The following FEZ1 variants were observed in gnomAD, a reference collection of about 807,000 sequenced individuals.
The protein encoded by FEZ1 is fasciculation and elongation protein zeta-1.
In FEZ1, 20 loss-of-function variants were observed where a neutral mutation model predicts 49.3. The observed-to-expected ratio is 0.41, with a 90% CI of 0.29 to 0.59. FEZ1 has a LOEUF of 0.59. Among genes scored for constraint, FEZ1 ranks in the 20% least tolerant of loss-of-function variants. The pLI, the probability that FEZ1 is intolerant of heterozygous loss-of-function variation, is 0.36. For missense variants in FEZ1, 413 were observed against 476.0 expected (o/e 0.87, Z 1.23); for synonymous variants, 170 against 180.9 (o/e 0.94, Z 0.48).
At chr11:125,488,851 A>G in intron 2 of FEZ1, 2 of 985,246 alleles carry the variant, frequency 2.0e-6, no homozygotes, top group Non-Finnish European at 2.4e-6. Context: ...CCTTTTCTTG[A>G]CTACTATTAA....
chr11:125,475,210 C>T (rs1309725154), intron 3 of FEZ1, among the ~76,000 whole-genome samples: 2 of 151,490 alleles, frequency 1.3e-5, no homozygotes, highest in Non-Finnish European at 2.9e-5. Flanking sequence ...GTGGAGGTTG[C>T]TGTGAGCTGA....
chr11:125,474,191 ATTTTT>A (rs34135138), intron 3 of FEZ1, among the ~76,000 whole-genome samples: 1 of 128,442 alleles, frequency 7.8e-6, no homozygotes, highest in Admixed American at 7.9e-5. Flanking sequence ...TGCCAGGCTA[ATTTTT>A]TTTTTTTTTT....
intron 9 of FEZ1, 62 bp from the exon 10 acceptor site, chr11:125,446,173 GC>G: frequency 6.6e-7 from 1 of 1,511,014 alleles, no homozygotes; most frequent in Non-Finnish European, 9.2e-7. Context: ...GGACCTCCGA[GC>G]CCTGGATAGC....
intron 3 of FEZ1, among the ~76,000 whole-genome samples, chr11:125,473,576 T>TG (rs1302970233): frequency 1.3e-5 from 2 of 152,250 alleles, no homozygotes; most frequent in African/African-American, 4.8e-5. Flanking sequence ...CCCAGCACTT[T>TG]GGGAGGCCAA....
At chr11:125,460,418 C>T (rs1957062576) in intron 5 of FEZ1, 80 bp downstream of exon 5, 1 of 1,287,478 alleles carries the variant, frequency 7.8e-7, no homozygotes, top group African/African-American at 1.5e-5. Flanking sequence ...TTCTATTAGC[C>T]ATGTACAAAG....
intron 3 of FEZ1, among the ~76,000 whole-genome samples, chr11:125,472,743 A>G (rs138953198): frequency 6.6e-6 from 1 of 152,176 alleles, no homozygotes; most frequent in Non-Finnish European, 1.5e-5. Flanking sequence ...AAATTTCAGA[A>G]AAAGAACATG....
At position 125,489,645 on chromosome 11, in the gene FEZ1, C is replaced by T. The variant is rs867006645; in HGVS notation, c.133G>A (p.Glu45Lys). 1 of 1,614,060 alleles carries T rather than the reference C, an allele frequency of 6.2e-7. No homozygotes were observed. Among genetic ancestry groups the T allele is most frequent in the East Asian group, 2.2e-5 (1 of 44,876 alleles). ...PHHLEDPSLS[E>K]LENFSSEIIS... Reference sequence around the variant, plus strand: ...ATTTCGGAAGAAAAATTCTCAAGCTCGGAGAGGGAGGGGTCCTCGAGATGG... The same window carrying T: ...ATTTCGGAAGAAAAATTCTCAAGCTTGGAGAGGGAGGGGTCCTCGAGATGG... The change falls in exon 2 of 10, where the codon GAG becomes AAG. Residue 45 changes from glutamate to lysine, a missense_variant. Transcript: ENST00000278919. This position sits in a 1 kb window ranked among gnomAD's most constrained non-coding sequence, Gnocchi z 4.2.
chr11:125,474,119 G>C (rs954042743), intron 3 of FEZ1, among the ~76,000 whole-genome samples: 7 of 151,300 alleles, frequency 4.6e-5, no homozygotes, highest in African/African-American at 1.7e-4. Flanking sequence ...CTGCCTCCCG[G>C]GTTCAAGCAA....
intron 5 of FEZ1, among the ~76,000 whole-genome samples, chr11:125,457,429 A>ATATATATATAT (rs1555178498): frequency 1.4e-4 from 3 of 20,912 alleles, no homozygotes; most frequent in East Asian, 3.0e-3. Context: ...AAAAAAAAAA[A>ATATATATATAT]ATATATATAT....
In FEZ1 at chr11:125,452,244, A is replaced by C. The variant is rs111659521; in HGVS notation, c.1096+90T>G. ...TGGCCCATGTAAACCTGCTTTGAGGAGTCTCGGGCCTGCGGCACGGAGGTA... is the reference window on the plus strand; with the variant it reads ...TGGCCCATGTAAACCTGCTTTGAGGCGTCTCGGGCCTGCGGCACGGAGGTA... On this transcript the variant is annotated intron_variant, in intron 8 of 9. Transcript: ENST00000278919. The C allele has an allele frequency of 8.2e-6, 7 of 850,150 alleles. No homozygotes were observed. The East Asian group carries it at 1.4e-4, about 18-fold the overall frequency. 52.7% of individuals were successfully genotyped at this position (850,150 alleles called of 1,614,324 possible).
intron 3 of FEZ1, 84 bp from the exon 4 acceptor site, chr11:125,463,654 G>A (rs1957096109): frequency 1.2e-6 from 1 of 819,354 alleles, no homozygotes; most frequent in South Asian, 1.4e-5. Context: ...GGATGATACT[G>A]ACTGGGAGGC....
chr11:125,484,170 A>T (rs1957307740), intron 2 of FEZ1, among the ~76,000 whole-genome samples: 1 of 152,230 alleles, frequency 6.6e-6, no homozygotes. Flanking sequence ...TAACAATAGC[A>T]GTCAACACTT....
intron 3 of FEZ1, among the ~76,000 whole-genome samples, chr11:125,466,868 G>A (rs1316746775): frequency 6.6e-6 from 1 of 152,058 alleles, no homozygotes; most frequent in African/African-American, 2.4e-5. Context: ...CATAGAAAAG[G>A]TAATTTTTAC....
At chr11:125,458,367 T>C (rs1263746181) in intron 5 of FEZ1, among the ~76,000 whole-genome samples, 1 of 152,226 alleles carries the variant, frequency 6.6e-6, no homozygotes, top group Non-Finnish European at 1.5e-5. Context: ...TGTGTTACAC[T>C]TTTTCATTTC....
intron 1 of FEZ1, among the ~76,000 whole-genome samples, chr11:125,491,853 A>G (rs183572913): frequency 5.3e-5 from 8 of 152,348 alleles, no homozygotes; most frequent in Admixed American, 5.2e-4. Flanking sequence ...AAAAATATAT[A>G]CAAGTAGTAC....
chr11:125,492,926 C>G (rs1957395153), intron 1 of FEZ1, among the ~76,000 whole-genome samples: 1 of 146,820 alleles, frequency 6.8e-6, no homozygotes, highest in Admixed American at 6.9e-5. Flanking sequence ...TATGATCACA[C>G]TACTGTATGC....
In FEZ1 at chr11:125,444,621, G is replaced by A. The variant is rs1019180295; in HGVS notation, c.*1474C>T. Among the ~76,000 whole-genome samples the A allele has an allele frequency of 2.0e-5, 3 of 152,014 alleles. No individual in the cohort carries two copies. The highest frequency in any genetic ancestry group is 4.4e-5 in the Non-Finnish European group (3 of 67,982). On this transcript the variant is annotated 3_prime_UTR_variant, in exon 10 of 10. Transcript: ENST00000278919. ...AGCAGAGGCCCAGGAAGGGAGGCAG[G>A]GCACTGGGAGTGCCTTCTGTGTCCC...
intron 9 of FEZ1, among the ~76,000 whole-genome samples, chr11:125,447,918 C>T (rs2135734066): frequency 6.6e-6 from 1 of 151,990 alleles, no homozygotes; most frequent in African/African-American, 2.4e-5. Context: ...TTTAGAAATG[C>T]ATACCGAAAT....
At position 125,496,181 on chromosome 11, in the gene FEZ1, G is replaced by C. The variant is rs1049084016; in HGVS notation, c.-106C>G. ...GGCTCAGCCGGACACCCCCATCCAC[G>C]GGCCGCGGGAGCGGCCGGAGCGCAG... On this transcript the variant is annotated 5_prime_UTR_variant, in exon 1 of 10. Transcript: ENST00000278919. 4 of 152,446 alleles carry C rather than the reference G, an allele frequency of 2.6e-5. No homozygotes were observed. Among genetic ancestry groups the C allele is most frequent in the South Asian group, 2.1e-4 (1 of 4,830 alleles). The allele number at this position is 152,446 out of a possible 1,614,324, so 9.4% of individuals were successfully genotyped here. A position where few individuals can be genotyped will look rare whatever the true frequency, so the allele number is the denominator to read the frequency against.
Sources: gnomAD v4.1 joint callset for allele counts (sites outside exome capture counted in the v4.1 genomes callset) on GRCh38, gnomAD v4.1.1 for gene constraint, Gnocchi (gnomAD v3.1) non-coding constraint, MANE v1.5 for transcripts, NCBI Gene and HGNC (gene_info 2026-07-23, HGNC 2026-07-21) for gene names.